The following NR1H4 variants were observed in gnomAD, a reference collection of about 807,000 sequenced individuals.
The protein encoded by NR1H4 is nuclear receptor subfamily 1 group H member 4.
Under a neutral mutation model 58.5 loss-of-function variants are expected in NR1H4, and 23 were observed. The ratio of observed to expected loss-of-function variants is 0.39; its 90% confidence interval spans 0.28 to 0.56. The LOEUF (loss-of-function observed/expected upper bound fraction) is 0.56. NR1H4 is among the 20% of genes least tolerant of loss of function. The probability of loss-of-function intolerance (pLI) is 0.58; values close to 1 mark genes in which losing one functional copy is unlikely to be tolerated. For missense variants in NR1H4, 487 were observed against 576.9 expected, an observed-to-expected ratio of 0.84 and a Z score of 1.60; for synonymous variants, 214 against 198.0, an observed-to-expected ratio of 1.08 and a Z score of -0.68.
At chr12:100,531,918 T>G (rs1954703275) in intron 4 of NR1H4, among the ~76,000 whole-genome samples, 1 of 152,198 alleles carries the variant, frequency 6.6e-6, no homozygotes, top group Non-Finnish European at 1.5e-5. Context: ...GAATGCCTGG[T>G]TAACAGCAAC....
chr12:100,538,154 G>A (rs1954856031), intron 8 of NR1H4, among the ~76,000 whole-genome samples: 1 of 152,154 alleles, frequency 6.6e-6, no homozygotes, highest in South Asian at 2.1e-4. Context: ...CCAGACTGAT[G>A]AAGGCCTAAC....
Position 100,546,368 on chromosome 12 carries a change from C to A in NR1H4, c.1078+5550C>A, listed in dbSNP as rs1035542996. Among the ~76,000 whole-genome samples the A allele has an allele frequency of 2.0e-5, 3 of 152,110 alleles. No homozygotes were observed. The East Asian group carries it at 5.8e-4, about 29-fold the overall frequency. On this transcript the variant is annotated intron_variant, in intron 9 of 10. Transcript: ENST00000392986. ...CTCTAACTTTCCAGCTTGCCACCTT[C>A]CAGTACCCTGACTCTAGGGATTCTT...
chr12:100,521,960 G>A (rs1455671050), intron 4 of NR1H4, among the ~76,000 whole-genome samples: 1 of 152,106 alleles, frequency 6.6e-6, no homozygotes, highest in Non-Finnish European at 1.5e-5. Context: ...TATGAAAATC[G>A]TGGGAAGAGT....
intron 1 of NR1H4, among the ~76,000 whole-genome samples, chr12:100,479,575 T>C (rs1211138827): frequency 6.6e-6 from 1 of 152,244 alleles, no homozygotes; most frequent in Non-Finnish European, 1.5e-5. Context: ...CCTAGCCTAA[T>C]GCCTATTCCT....
intron 10 of NR1H4, among the ~76,000 whole-genome samples, chr12:100,562,909 C>G (rs921532511): frequency 6.6e-6 from 1 of 152,162 alleles, no homozygotes. Context: ...TTCAGCAGAA[C>G]CTTCTAAAGT....
At chr12:100,484,836 G>T (rs187691471) in intron 1 of NR1H4, among the ~76,000 whole-genome samples, 224 of 152,260 alleles carry the variant, frequency 1.5e-3, no homozygotes, top group African/African-American at 5.2e-3. Context: ...ACCACAGTTA[G>T]GTTCCCCAAA....
intron 1 of NR1H4, among the ~76,000 whole-genome samples, chr12:100,488,243 G>A (rs780464656): frequency 2.6e-5 from 4 of 151,974 alleles, no homozygotes; most frequent in Admixed American, 6.6e-5. Flanking sequence ...CAAGTAATCC[G>A]CCCACCTCAG....
chr12:100,563,162 C>T (rs1360093760), intron 10 of NR1H4, 89 bp from the exon 11 acceptor site: 1 of 1,045,366 alleles, frequency 9.6e-7, no homozygotes, highest in East Asian at 2.5e-5. Context: ...TTAACTTACA[C>T]TTCAAAATAG....
chr12:100,501,672 A>T (rs1407570451), intron 3 of NR1H4, among the ~76,000 whole-genome samples: 1 of 152,222 alleles, frequency 6.6e-6, no homozygotes, highest in East Asian at 1.9e-4. Flanking sequence ...TGTGAAGGCT[A>T]TAGAAATGTC....
chr12:100,540,291 A>G (rs1463037139), intron 8 of NR1H4, among the ~76,000 whole-genome samples: 1 of 152,190 alleles, frequency 6.6e-6, no homozygotes, highest in African/African-American at 2.4e-5. Flanking sequence ...CTGGGTGCAT[A>G]TAAAGTTTTC....
chr12:100,518,080 A>G (rs1387228574), intron 4 of NR1H4, among the ~76,000 whole-genome samples: 2 of 152,240 alleles, frequency 1.3e-5, no homozygotes, highest in African/African-American at 4.8e-5. Flanking sequence ...ATGAATCCCT[A>G]AAGTCACTAA....
In NR1H4 at chr12:100,480,902, C is replaced by T. The variant is rs532444679; in HGVS notation, c.-190+6843C>T. On this transcript the variant is annotated intron_variant, in intron 1 of 10. Coordinates refer to ENST00000392986, the MANE Select transcript of NR1H4 (RefSeq NM_001206979.2). ...ATGTCTGGGGTCTTGATGTGGCCGT[C>T]AGCTGGGATAGTTGGAAGAGCTGGA... is the stretch of plus-strand genomic sequence containing the variant. 2.0e-5 allele frequency among the ~76,000 whole-genome samples: 3 copies of T among 152,302 alleles called. No individual in the cohort carries two copies. The South Asian group carries it at 6.2e-4, about 32-fold the overall frequency.
chr12:100,553,353 A>G (rs1041359927), intron 9 of NR1H4, among the ~76,000 whole-genome samples: 4 of 152,134 alleles, frequency 2.6e-5, no homozygotes, highest in African/African-American at 7.2e-5. Flanking sequence ...AGAAGGAGAG[A>G]TATGAATTGT....
In NR1H4 at chr12:100,536,996, A is replaced by G; in HGVS notation, c.880A>G (p.Met294Val). 6.2e-7 allele frequency: 1 copy of G among 1,604,286 alleles called. No homozygotes were observed. Among genetic ancestry groups the G allele is most frequent in the Non-Finnish European group, 8.5e-7 (1 of 1,176,738 alleles). ...AGAAAATTTTCTCATTTTGACGGAA[A>G]TGGCAACCAATCATGTACAGGTTCT... ...AEENFLILTE[M>V]ATNHVQVLVE... The change falls in exon 8 of 11, where the codon ATG becomes GTG. Residue 294 changes from methionine (M) to valine (V), a missense_variant. Met to Val is a conservative substitution (Grantham distance 21, BLOSUM62 1). Coordinates refer to ENST00000392986, the MANE Select transcript of NR1H4 (RefSeq NM_001206979.2).
intron 9 of NR1H4, among the ~76,000 whole-genome samples, chr12:100,559,789 A>G (rs35728): frequency 0.59 from 89,394 of 151,930 alleles, 26,577 homozygotes; most frequent in Non-Finnish European, 0.65. Context: ...TGACTGGCAG[A>G]CAGCTCCACC....
At chr12:100,559,990 T>G (rs1261081768) in intron 9 of NR1H4, among the ~76,000 whole-genome samples, 6 of 152,166 alleles carry the variant, frequency 3.9e-5, no homozygotes, top group Non-Finnish European at 7.4e-5. Flanking sequence ...GGAGAACCTT[T>G]ATGCCTAGCT....
intron 10 of NR1H4, among the ~76,000 whole-genome samples, chr12:100,563,036 TG>T (rs1955510256): frequency 6.6e-6 from 1 of 152,260 alleles, no homozygotes; most frequent in Non-Finnish European, 1.5e-5. Flanking sequence ...GAAGGGGAAT[TG>T]GGAGGCTTCT....
At chr12:100,562,778 C>T (rs1955504727) in intron 10 of NR1H4, among the ~76,000 whole-genome samples, 2 of 152,096 alleles carry the variant, frequency 1.3e-5, no homozygotes, top group Admixed American at 6.6e-5. Context: ...ATGCCATGCT[C>T]ATGATTTGTA....
chr12:100,530,097 T>C (rs148120568), intron 4 of NR1H4, among the ~76,000 whole-genome samples: 1,921 of 152,366 alleles, frequency 0.013, 21 homozygotes, highest in Non-Finnish European at 0.021. Context: ...AGACAAGGAA[T>C]GTCTTATTCA....
Sources: gnomAD v4.1 joint callset for allele counts (sites outside exome capture counted in the v4.1 genomes callset) on GRCh38, gnomAD v4.1.1 for gene constraint, MANE v1.5 for transcripts, NCBI Gene and HGNC (gene_info 2026-07-23, HGNC 2026-07-21) for gene names.